IL1RAPL2: variants seen among roughly 807,000 people sequenced by gnomAD.
IL1RAPL2 encodes interleukin 1 receptor accessory protein like 2.
A neutral mutation model predicts 44.1 loss-of-function variants in IL1RAPL2; 3 were observed. The observed-to-expected ratio is 0.07, with a 90% CI of 0.03 to 0.18. The LOEUF (loss-of-function observed/expected upper bound fraction) is 0.18, where lower values mean the gene tolerates loss of function less well. Among genes scored for constraint, IL1RAPL2 ranks in the 10% least tolerant of loss-of-function variants. The probability of loss-of-function intolerance (pLI) is 1.00; values close to 1 mark genes in which losing one functional copy is unlikely to be tolerated. For missense variants in IL1RAPL2, 391 were observed against 496.4 expected, an observed-to-expected ratio of 0.79 and a Z score of 2.02; for synonymous variants, 181 against 178.8, an observed-to-expected ratio of 1.01 and a Z score of -0.10.
intron 5 of IL1RAPL2, among the ~76,000 whole-genome samples, chrX:105,282,683 G>A (rs2034541137): frequency 9.0e-6 from 1 of 111,404 alleles, no homozygotes. Flanking sequence ...CCTTTGCATT[G>A]GAGCTCATCT....
At chrX:104,894,323 G>T (rs1487750469) in intron 2 of IL1RAPL2, among the ~76,000 whole-genome samples, 1 of 111,524 alleles carries the variant, frequency 9.0e-6, no homozygotes, top group Non-Finnish European at 1.9e-5. Context: ...GAATTTGAAT[G>T]TTGGCCTGCC....
At chrX:105,084,644 T>G (rs1455699685) in intron 2 of IL1RAPL2, among the ~76,000 whole-genome samples, 1 of 112,524 alleles carries the variant, frequency 8.9e-6, no homozygotes, top group Non-Finnish European at 1.9e-5. Flanking sequence ...CAGAGGGGAC[T>G]AGTGTTGTCT....
chrX:105,237,309 G>A (rs1171044210), intron 4 of IL1RAPL2, among the ~76,000 whole-genome samples: 3 of 111,889 alleles, frequency 2.7e-5, no homozygotes, highest in Non-Finnish European at 5.6e-5. Context: ...AACATACGGT[G>A]TGCATGTGTC....
chrX:105,645,566 G>C (rs1417756173), intron 6 of IL1RAPL2, among the ~76,000 whole-genome samples: 2 of 111,875 alleles, frequency 1.8e-5, no homozygotes, highest in Non-Finnish European at 3.8e-5. Context: ...GACAGTATTT[G>C]GTTCCCATTT....
chrX:104,847,785 G>T (rs977365126), intron 2 of IL1RAPL2, among the ~76,000 whole-genome samples: 2 of 111,987 alleles, frequency 1.8e-5, no homozygotes, highest in African/African-American at 6.5e-5. Flanking sequence ...AGCTTGGGCA[G>T]TATTGCCATT....
At chrX:104,611,031 C>A (rs995085196) in intron 1 of IL1RAPL2, among the ~76,000 whole-genome samples, 2 of 111,534 alleles carry the variant, frequency 1.8e-5, no homozygotes, top group Non-Finnish European at 3.8e-5. Context: ...CCTCTGGAAG[C>A]TTTGTCCTAG....
At chrX:104,836,722 T>G (rs1470939943) in intron 2 of IL1RAPL2, among the ~76,000 whole-genome samples, 1 of 111,500 alleles carries the variant, frequency 9.0e-6, no homozygotes, top group Non-Finnish European at 1.9e-5. Context: ...TCTTTATTTT[T>G]TATTTATTTA....
intron 2 of IL1RAPL2, among the ~76,000 whole-genome samples, chrX:105,018,302 A>C (rs1248818539): frequency 4.5e-5 from 5 of 111,003 alleles, no homozygotes; most frequent in African/African-American, 1.6e-4. Flanking sequence ...GAATGAACAC[A>C]TCATGGTTAT....
At chrX:104,798,204 C>A (rs1050180219) in intron 2 of IL1RAPL2, among the ~76,000 whole-genome samples, 2 of 111,567 alleles carry the variant, frequency 1.8e-5, no homozygotes, top group African/African-American at 6.5e-5. Flanking sequence ...AATGTATCAG[C>A]TAAGACTCTA....
chrX:105,159,804 G>A (rs771206723), intron 2 of IL1RAPL2, among the ~76,000 whole-genome samples: 6 of 111,417 alleles, frequency 5.4e-5, no homozygotes, highest in Non-Finnish European at 9.4e-5. Context: ...CTGACATTTG[G>A]CTTAATCTGA....
intron 6 of IL1RAPL2, among the ~76,000 whole-genome samples, chrX:105,603,814 C>T (rs1201249378): frequency 9.0e-6 from 1 of 111,580 alleles, no homozygotes; most frequent in Non-Finnish European, 1.9e-5. Context: ...TCACAAGTTT[C>T]TTTTCAGGCC....
chrX:105,551,233 C>A (rs1262001586), intron 6 of IL1RAPL2, among the ~76,000 whole-genome samples: 1 of 107,963 alleles, frequency 9.3e-6, no homozygotes, highest in Non-Finnish European at 1.9e-5. Flanking sequence ...AACATACTTA[C>A]CATTAAAAGT....
At chrX:105,217,088 C>A (rs1246445443) in intron 3 of IL1RAPL2, among the ~76,000 whole-genome samples, 1 of 107,109 alleles carries the variant, frequency 9.3e-6, no homozygotes, top group African/African-American at 3.4e-5. Flanking sequence ...GCAACAAAAG[C>A]CAAAATTGAC....
At chrX:104,878,173 C>T (rs1922960895) in intron 2 of IL1RAPL2, among the ~76,000 whole-genome samples, 2 of 111,872 alleles carry the variant, frequency 1.8e-5, no homozygotes, top group South Asian at 7.5e-4. Flanking sequence ...TTGGATCATT[C>T]AGAAATGTAG....
At chrX:104,874,715 C>T (rs943143348) in intron 2 of IL1RAPL2, among the ~76,000 whole-genome samples, 2 of 111,526 alleles carry the variant, frequency 1.8e-5, no homozygotes, top group African/African-American at 6.5e-5. Context: ...TAGAAAGGCA[C>T]TTGACAAGGC....
intron 1 of IL1RAPL2, among the ~76,000 whole-genome samples, chrX:104,651,043 A>T (rs1313266122): frequency 1.8e-5 from 2 of 112,273 alleles, no homozygotes; most frequent in Non-Finnish European, 3.8e-5. Flanking sequence ...TCTGGCCCAC[A>T]CAAAGTGCTC....
intron 5 of IL1RAPL2, among the ~76,000 whole-genome samples, chrX:105,449,887 C>T (rs896684737): frequency 2.7e-5 from 3 of 112,256 alleles, no homozygotes; most frequent in African/African-American, 9.7e-5. Context: ...GTGCTGCAAG[C>T]ACCCCTATGG....
chrX:104,668,309 T>C lies in IL1RAPL2; in HGVS notation c.82+9314T>C, dbSNP rs978855353. On this transcript the variant is annotated intron_variant, in intron 2 of 10. Coordinates refer to ENST00000372582, the MANE Select transcript of IL1RAPL2 (RefSeq NM_017416.2). ...TTCTAGCTCTGTGCTAGTGTTTCTT[T>C]TTTATTTTTATTTTTATTTTTTTAT... is the stretch of plus-strand genomic sequence containing the variant. Among the ~76,000 whole-genome samples the C allele has an allele frequency of 8.5e-4, 92 of 107,650 alleles. 1 individual carries two copies. The highest frequency in any genetic ancestry group is 3.1e-3 in the African/African-American group (88 of 28,807). 93.5% of individuals were successfully genotyped at this position (107,650 alleles called of 115,157 possible).
At chrX:105,328,105 A>G (rs1290477487) in intron 5 of IL1RAPL2, among the ~76,000 whole-genome samples, 4 of 111,513 alleles carry the variant, frequency 3.6e-5, no homozygotes, top group Non-Finnish European at 7.5e-5. Context: ...AAAAAAGGAA[A>G]TCAATGTTAC....
Sources: allele counts gnomAD v4.1 joint callset (sites outside exome capture counted in the v4.1 genomes callset), GRCh38; gene constraint gnomAD v4.1.1; transcripts MANE v1.5; gene names NCBI Gene and HGNC (gene_info 2026-07-23, HGNC 2026-07-21).